MGAT5: variants seen among roughly 807,000 people sequenced by gnomAD.
MGAT5 encodes the protein alpha-1,6-mannosylglycoprotein 6-beta-N-acetylglucosaminyltransferase.
In MGAT5, 30 loss-of-function variants were observed where a neutral mutation model predicts 94.3. The observed-to-expected ratio is 0.32, with a 90% confidence interval of 0.24 to 0.43. MGAT5 has a LOEUF of 0.43. Among genes scored for constraint, MGAT5 ranks in the 20% least tolerant of loss-of-function variants. The probability of loss-of-function intolerance (pLI) is 1.00; values close to 1 mark genes in which losing one functional copy is unlikely to be tolerated. For missense variants in MGAT5, 691 were observed against 905.5 expected, an observed-to-expected ratio of 0.76 and a Z score of 3.04; for synonymous variants, 310 against 322.9, an observed-to-expected ratio of 0.96 and a Z score of 0.43.
chr2:134,291,755 T>C (rs1164498193), intron 2 of MGAT5, among the ~76,000 whole-genome samples: 1 of 152,190 alleles, frequency 6.6e-6, no homozygotes, highest in Non-Finnish European at 1.5e-5. Context: ...GAGAATATAT[T>C]TAAGTGTGAT....
intron 2 of MGAT5, among the ~76,000 whole-genome samples, chr2:134,290,899 G>C (rs569905166): frequency 6.6e-6 from 1 of 152,226 alleles, no homozygotes; most frequent in African/African-American, 2.4e-5. Context: ...TATGGAGTTG[G>C]AGGATCAATT....
chr2:134,383,192 T>G (rs1478625134), intron 10 of MGAT5, among the ~76,000 whole-genome samples: 4 of 152,210 alleles, frequency 2.6e-5, no homozygotes, highest in Non-Finnish European at 5.9e-5. Flanking sequence ...ATGTTCGTGA[T>G]ACATGGGTAT....
intron 2 of MGAT5, among the ~76,000 whole-genome samples, chr2:134,315,159 C>G (rs181991987): frequency 7.3e-4 from 111 of 152,286 alleles, no homozygotes; most frequent in Admixed American, 2.6e-3. Flanking sequence ...TTCAGTGATC[C>G]TGCTTCACCC....
At chr2:134,169,429 C>T (rs1236270493) in intron 1 of MGAT5, among the ~76,000 whole-genome samples, 1 of 151,366 alleles carries the variant, frequency 6.6e-6, no homozygotes, top group East Asian at 1.9e-4. Context: ...CACACACACA[C>T]ACACACACAC....
intron 2 of MGAT5, among the ~76,000 whole-genome samples, chr2:134,297,138 A>G (rs1046056034): frequency 6.8e-6 from 1 of 146,646 alleles, no homozygotes; most frequent in Non-Finnish European, 1.5e-5. Flanking sequence ...TTAAGATTGC[A>G]GTGAGCCTTG....
chr2:134,339,638 G>A (rs1049135858), intron 6 of MGAT5, among the ~76,000 whole-genome samples: 1 of 152,118 alleles, frequency 6.6e-6, no homozygotes, highest in African/African-American at 2.4e-5. Flanking sequence ...GATTAGCATG[G>A]AGGCAACAGA....
intron 10 of MGAT5, among the ~76,000 whole-genome samples, chr2:134,387,328 A>ATTTTT (rs1461083019): frequency 5.0e-5 from 2 of 40,294 alleles, no homozygotes; most frequent in South Asian, 1.1e-3. Flanking sequence ...ATATATATAT[A>ATTTTT]TATATTTTTT....
At chr2:134,216,583 G>A (rs112426876) in intron 1 of MGAT5, among the ~76,000 whole-genome samples, 1 of 152,224 alleles carries the variant, frequency 6.6e-6, no homozygotes, top group African/African-American at 2.4e-5. Context: ...AAATAGGGCT[G>A]GCACAGGAAG....
chr2:134,269,365 G>A (rs1397592824), intron 1 of MGAT5, among the ~76,000 whole-genome samples: 1 of 152,148 alleles, frequency 6.6e-6, no homozygotes, highest in Non-Finnish European at 1.5e-5. Flanking sequence ...TAGGAGAATG[G>A]AAGATGGCAC....
intron 14 of MGAT5, among the ~76,000 whole-genome samples, chr2:134,438,924 A>C (rs2106412303): frequency 6.6e-6 from 1 of 152,354 alleles, no homozygotes; most frequent in South Asian, 2.1e-4. Context: ...TGCAGCTGAT[A>C]GGAATCCAAG....
chr2:134,192,918 T>C (rs970422496), intron 1 of MGAT5, among the ~76,000 whole-genome samples: 8 of 152,010 alleles, frequency 5.3e-5, no homozygotes, highest in Admixed American at 3.9e-4. Context: ...GGAATATATA[T>C]GGAACATACT....
intron 9 of MGAT5, among the ~76,000 whole-genome samples, chr2:134,359,201 A>T (rs1679933216): frequency 6.6e-6 from 1 of 152,198 alleles, no homozygotes; most frequent in African/African-American, 2.4e-5. Context: ...TGTATTCTAG[A>T]TCACTCTTGT....
intron 8 of MGAT5, among the ~76,000 whole-genome samples, chr2:134,347,284 A>G (rs1051872556): frequency 6.6e-6 from 1 of 152,186 alleles, no homozygotes; most frequent in African/African-American, 2.4e-5. Context: ...CAAAGCCTCA[A>G]GTAAAAGGAT....
rs976584509 is a variant in MGAT5 at position 134,451,674 on chromosome 2, C to A, written c.*2827C>A. 1.3e-5 allele frequency: 2 copies of A among 152,196 alleles called. No homozygotes were observed. Among genetic ancestry groups the A allele is most frequent in the Non-Finnish European group, 2.9e-5 (2 of 68,038 alleles). The allele number at this position is 152,196 out of a possible 1,614,324, so 9.4% of individuals were successfully genotyped here. A position where few individuals can be genotyped will look rare whatever the true frequency, so the allele number is the denominator to read the frequency against. ...CTAAGTTATGATTAATGTTTTTCCC[C>A]GCTATAATATCTTGCCTGTTTTTTT... is the stretch of plus-strand genomic sequence containing the variant. On this transcript the variant is annotated 3_prime_UTR_variant, in exon 16 of 16. Coordinates refer to ENST00000281923, the MANE Select transcript of MGAT5 (RefSeq NM_002410.5).
At chr2:134,166,246 A>AGG (rs201866687) in intron 1 of MGAT5, among the ~76,000 whole-genome samples, 594 of 152,344 alleles carry the variant, frequency 3.9e-3, no homozygotes, top group Middle Eastern at 0.017. Flanking sequence ...TGATACACAG[A>AGG]GGGACCCTTG....
intron 10 of MGAT5, among the ~76,000 whole-genome samples, chr2:134,372,230 C>A (rs1365412139): frequency 2.0e-5 from 3 of 152,220 alleles, no homozygotes; most frequent in Admixed American, 6.5e-5. Flanking sequence ...AAGACACTTG[C>A]TATTCCTTTG....
At position 134,151,999 on chromosome 2, in the gene MGAT5, C is replaced by T. The variant is rs113396222; in HGVS notation, c.-143+31708C>T. On this transcript the variant is annotated intron_variant, in intron 1 of 16. Coordinates refer to the MGAT5 transcript ENST00000409645. ...CCGCCCACTGCCATGAGACCTCACT[C>T]ACTCATGCCCTATGGGACCTGGTTA... Among the ~76,000 whole-genome samples the T allele has an allele frequency of 4.1e-3, 610 of 149,432 alleles. 10 individuals carry two copies. Among genetic ancestry groups the T allele is most frequent in the South Asian group, 0.011 (51 of 4,654 alleles).
chr2:134,140,001 T>A (rs1454942936), intron 1 of MGAT5, among the ~76,000 whole-genome samples: 1 of 152,190 alleles, frequency 6.6e-6, no homozygotes, highest in Non-Finnish European at 1.5e-5. Context: ...GCATGAATCC[T>A]AAAGTAGGTA....
chr2:134,222,302 G>A (rs1410370334), intron 1 of MGAT5, among the ~76,000 whole-genome samples: 3 of 139,652 alleles, frequency 2.1e-5, no homozygotes, highest in Non-Finnish European at 4.7e-5. Context: ...GGGCGTCCAG[G>A]GCTATAGGTA....
Sources: allele counts gnomAD v4.1 joint callset (sites outside exome capture counted in the v4.1 genomes callset), GRCh38; gene constraint gnomAD v4.1.1; transcripts MANE v1.5; gene names NCBI Gene and HGNC (gene_info 2026-07-23, HGNC 2026-07-21).